ARPC1A: variants seen among roughly 807,000 people sequenced by gnomAD.
ARPC1A encodes the protein actin related protein 2/3 complex subunit 1A, also known as actin-related protein 2/3 complex subunit 1A.
In ARPC1A, 8 loss-of-function variants were observed where a neutral mutation model predicts 46.9. The observed-to-expected ratio is 0.17, with a 90% CI of 0.10 to 0.31. The LOEUF is 0.31. Ranked by LOEUF, ARPC1A falls within the 10% of genes least tolerant of loss-of-function variation. The probability of loss-of-function intolerance (pLI) is 1.00; values close to 1 mark genes in which losing one functional copy is unlikely to be tolerated. For missense variants in ARPC1A, 286 were observed against 483.6 expected, an observed-to-expected ratio of 0.59 and a Z score of 3.83; for synonymous variants, 152 against 169.0, an observed-to-expected ratio of 0.90 and a Z score of 0.78.
intron 3 of ARPC1A, among the ~76,000 whole-genome samples, chr7:99,341,231 C>T (rs1239546655): frequency 6.6e-6 from 1 of 151,978 alleles, no homozygotes; most frequent in African/African-American, 2.4e-5. Flanking sequence ...ATCGCTTGAA[C>T]CCAGGAGGCA....
intron 4 of ARPC1A, among the ~76,000 whole-genome samples, chr7:99,347,245 T>C (rs1793469775): frequency 6.6e-6 from 1 of 152,066 alleles, no homozygotes; most frequent in East Asian, 1.9e-4. Context: ...AATTTTTTGA[T>C]TACTTGTGGA....
intron 6 of ARPC1A, among the ~76,000 whole-genome samples, chr7:99,357,823 G>A (rs1174705165): frequency 2.6e-5 from 4 of 152,188 alleles, no homozygotes. Flanking sequence ...GGCTAAGACC[G>A]TTTGGTTCAT....
chr7:99,353,010 G>A (rs919453690), intron 5 of ARPC1A, among the ~76,000 whole-genome samples: 1 of 151,894 alleles, frequency 6.6e-6, no homozygotes, highest in Non-Finnish European at 1.5e-5. Context: ...TGCCAAACTT[G>A]GGTTGGCCTG....
intron 6 of ARPC1A, among the ~76,000 whole-genome samples, chr7:99,355,046 G>A (rs373872185): frequency 5.3e-5 from 8 of 151,286 alleles, no homozygotes; most frequent in African/African-American, 1.9e-4. Flanking sequence ...CCTGGGAGGC[G>A]GAGGTTGCAG....
rs77774397 is a variant in ARPC1A, at chr7:99,357,909, C to T, written c.714-431C>T. Among the ~76,000 whole-genome samples the T allele has an allele frequency of 3.4e-3, 514 of 152,286 alleles. 3 individuals are homozygous for T. The East Asian group carries it at 0.039, about 12-fold the overall frequency. ...TGTGGTCACAGCCCTCTCGGAGCTC[C>T]GGTGAGCACAGGCAAGGAGAAGGTC... On this transcript the variant is annotated intron_variant, in intron 6 of 9. Transcript: ENST00000262942.
intron 4 of ARPC1A, 58 bp from the exon 5 acceptor site, chr7:99,348,794 A>T (rs1343020200): frequency 4.3e-6 from 6 of 1,381,708 alleles, no homozygotes; most frequent in Non-Finnish European, 5.1e-6. Context: ...ATACATTTGT[A>T]GGTCATTTGG....
intron 5 of ARPC1A, among the ~76,000 whole-genome samples, chr7:99,352,655 T>TAA (rs59352040): frequency 2.9e-5 from 4 of 136,088 alleles, no homozygotes; most frequent in Admixed American, 7.4e-5. Context: ...CCCCGTCTCT[T>TAA]AAAAAAAAAA....
At chr7:99,331,956 T>C (rs548016911) in intron 1 of ARPC1A, among the ~76,000 whole-genome samples, 1 of 152,242 alleles carries the variant, frequency 6.6e-6, no homozygotes, top group South Asian at 2.1e-4. Flanking sequence ...CTTTCACTTA[T>C]CAAATTTGGT....
intron 1 of ARPC1A, among the ~76,000 whole-genome samples, chr7:99,329,249 C>T (rs1160555123): frequency 3.3e-5 from 5 of 149,334 alleles, no homozygotes; most frequent in South Asian, 2.1e-4. Flanking sequence ...TGCAGTGAGC[C>T]GAGATCGTGC....
In ARPC1A at chr7:99,358,279, G is replaced by C; in HGVS notation, c.714-61G>C. ...GAGAATGGGTCCTTTGTGATCATCTGTGTCTGTAAAGAAGCTAATAGTCTG... is the reference window on the plus strand; with the variant it reads ...GAGAATGGGTCCTTTGTGATCATCTCTGTCTGTAAAGAAGCTAATAGTCTG... On this transcript the variant is annotated intron_variant, in intron 6 of 9. Coordinates refer to ENST00000262942, the MANE Select transcript of ARPC1A (RefSeq NM_006409.4). 2.6e-6 allele frequency: 4 copies of C among 1,524,104 alleles called. No individual in the cohort carries two copies. The South Asian group carries it at 3.4e-5, about 13-fold the overall frequency. 94.4% of individuals were successfully genotyped at this position (1,524,104 alleles called of 1,614,324 possible).
In ARPC1A at chr7:99,354,036, G is replaced by A. The variant is rs748658169; in HGVS notation, c.628G>A (p.Val210Ile). The A allele has an allele frequency of 2.5e-6, 4 of 1,614,010 alleles. No individual in the cohort carries two copies. The highest frequency in any genetic ancestry group is 1.7e-5 in the Admixed American group (1 of 59,984). The stretch of plus-strand genomic sequence containing the variant: ...TGGCACTGGTGGCTGGGTCCACGGG[G>A]TAAGCTTCTCTGCCAGTGGGAGCCG... ...GSGTGGWVHGVSFSASGSRLA... is the reference protein window; with the variant it reads ...GSGTGGWVHGISFSASGSRLA... The change falls in exon 6 of 10, where the codon GTA (valine) becomes ATA (isoleucine). Residue 210 changes from valine to isoleucine, a missense_variant. Around this residue, in one of 5 missense-constraint regions of ARPC1A, gnomAD observed 182 missense variants for 276.7 expected, o/e 0.66. Coordinates refer to ENST00000262942, the MANE Select transcript of ARPC1A (RefSeq NM_006409.4).
intron 2 of ARPC1A, among the ~76,000 whole-genome samples, chr7:99,335,653 A>G (rs565018186): frequency 6.6e-6 from 1 of 152,252 alleles, no homozygotes; most frequent in East Asian, 1.9e-4. Context: ...TAGATTCACC[A>G]TCTTTTTAAA....
intron 6 of ARPC1A, among the ~76,000 whole-genome samples, chr7:99,355,537 G>A (rs998778428): frequency 6.6e-6 from 1 of 152,054 alleles, no homozygotes; most frequent in Non-Finnish European, 1.5e-5. Flanking sequence ...TTGAGGTCAG[G>A]AGTTCGAGAG....
rs3052172 is a variant in ARPC1A at position 99,365,615 on chromosome 7, T to TA, written c.1075-261dup. On this transcript the variant is annotated intron_variant, in intron 9 of 9. Transcript: ENST00000262942. The stretch of plus-strand genomic sequence containing the variant: ...GGGCAACAGAGCAAGACCCTATCTT[T>TA]AAAAAAAAAAAAAAAGAGGAGTGAG... Among the ~76,000 whole-genome samples the TA allele has an allele frequency of 6.1e-3, 837 of 138,116 alleles. 3 individuals are homozygous for TA. Among genetic ancestry groups the TA allele is most frequent in the Middle Eastern group, 7.2e-3 (2 of 278 alleles). The allele number at this position is 138,116 out of a possible 152,430, so 90.6% of individuals were successfully genotyped here. A position where few individuals can be genotyped will look rare whatever the true frequency, so the allele number is the denominator to read the frequency against.
intron 7 of ARPC1A, chr7:99,358,622 C>T: frequency 2.0e-6 from 1 of 498,636 alleles, no homozygotes; most frequent in Non-Finnish European, 3.6e-6. Context: ...CTCACCGCAA[C>T]CTCTGCCTCC....
chr7:99,359,577 C>T lies in ARPC1A; in HGVS notation c.822C>T (p.Tyr274=), dbSNP rs576105816. The T allele has an allele frequency of 1.8e-5, 29 of 1,614,108 alleles. No homozygotes were observed. Among genetic ancestry groups the T allele is most frequent in the South Asian group, 8.8e-5 (8 of 91,088 alleles). The part of the protein sequence containing the change: ...GHDCCPMLFN[Y]DDRGCLTFVS... Reference sequence around the variant, plus strand: ...ACTGCTGCCCAATGCTCTTTAACTACGATGACCGCGGCTGCCTGACCTTCG... The same window carrying T: ...ACTGCTGCCCAATGCTCTTTAACTATGATGACCGCGGCTGCCTGACCTTCG... The change falls in exon 8 of 10, where the codon TAC becomes TAT. Residue 274 remains tyrosine, a synonymous_variant. Coordinates refer to ENST00000262942, the MANE Select transcript of ARPC1A (RefSeq NM_006409.4).
chr7:99,338,193 G>C lies in ARPC1A; in HGVS notation c.77G>C (p.Ser26Thr). Residue 26 changes from serine (S) to threonine (T), a missense_variant, in exon 3 of 10, where the codon AGT (serine) becomes ACT (threonine). Physicochemically the swap from Ser to Thr is moderately conservative, Grantham distance 58. Coordinates refer to ENST00000262942, the MANE Select transcript of ARPC1A (RefSeq NM_006409.4). ...WNRDRTQIAL[S>T]PNNHEVHIYK... The stretch of plus-strand genomic sequence containing the variant: ...CTTGTGTCTCCAGAGATTGCCCTCA[G>C]TCCCAATAATCACGAAGTGCACATC... 6.2e-7 allele frequency: 1 copy of C among 1,612,044 alleles called. No individual in the cohort carries two copies. Among genetic ancestry groups the C allele is most frequent in the Non-Finnish European group, 8.5e-7 (1 of 1,178,542 alleles).
intron 2 of ARPC1A, among the ~76,000 whole-genome samples, chr7:99,334,202 A>T (rs1281992362): frequency 2.0e-5 from 3 of 151,558 alleles, no homozygotes; most frequent in Non-Finnish European, 4.4e-5. Flanking sequence ...CTCTACTAAA[A>T]ATAAAAAAAA....
chr7:99,343,318 T>G (rs1194095249), intron 3 of ARPC1A, among the ~76,000 whole-genome samples: 1 of 151,762 alleles, frequency 6.6e-6, no homozygotes, highest in Non-Finnish European at 1.5e-5. Context: ...ATACAAAAAT[T>G]AGCCGGGCAT....
Sources: gnomAD v4.1 joint callset for allele counts (sites outside exome capture counted in the v4.1 genomes callset) on GRCh38, gnomAD v4.1.1 for gene constraint, gnomAD v4.1.1 regional missense constraint, MANE v1.5 for transcripts, NCBI Gene and HGNC (gene_info 2026-07-23, HGNC 2026-07-21) for gene names.